Variants in SDCCAG8 observed in about 807,000 individuals in gnomAD.
SDCCAG8 encodes SHH signaling and ciliogenesis regulator SDCCAG8, also known as serologically defined colon cancer antigen 8.
Under a neutral mutation model 101.8 loss-of-function variants are expected in SDCCAG8, and 74 were observed. That is an observed-to-expected ratio of 0.73 (90% CI 0.60 to 0.88). The LOEUF is 0.88. SDCCAG8 is among the 40% of genes least tolerant of loss of function. The probability of loss-of-function intolerance (pLI) is 0.00; values close to 1 mark genes in which losing one functional copy is unlikely to be tolerated. For synonymous variants in SDCCAG8, 281 were observed against 292.9 expected (o/e 0.96, Z 0.41); for missense variants, 787 against 822.6 (o/e 0.96, Z 0.53).
At chr1:243,490,355 C>T (rs765493974) in intron 17 of SDCCAG8, among the ~76,000 whole-genome samples, 5 of 152,230 alleles carry the variant, frequency 3.3e-5, no homozygotes, top group East Asian at 1.9e-4. Context: ...GAGCCACAGC[C>T]GCACTGCCAC....
chr1:243,270,278 T>C, intron 2 of SDCCAG8, 21 bp downstream of exon 2: 1 of 1,611,350 alleles, frequency 6.2e-7, no homozygotes, highest in Non-Finnish European at 8.5e-7. Flanking sequence ...ATGTCAATCC[T>C]AGTCTGAATG....
chr1:243,415,759 T>C lies in SDCCAG8; in HGVS notation c.1674T>C (p.Leu558=). 1 of 1,613,836 alleles carries C rather than the reference T, an allele frequency of 6.2e-7. No individual in the cohort carries two copies. The highest frequency in any genetic ancestry group is 8.5e-7 in the Non-Finnish European group (1 of 1,179,818). Residue 558 remains leucine, a synonymous_variant, in exon 14 of 18, where the codon CTT becomes CTC. Transcript: ENST00000366541. ...GCAAGGAAGCAAAGGCCCAAGCCCT[T>C]CAGGCCCAGCAAAGAGAGCAGGAGC... ...SFSKEAKAQA[L]QAQQREQELT...
intron 6 of SDCCAG8, among the ~76,000 whole-genome samples, chr1:243,295,102 T>A (rs928988198): frequency 8.5e-5 from 13 of 152,140 alleles, no homozygotes; most frequent in African/African-American, 3.1e-4. Flanking sequence ...AATTGTATCT[T>A]TTTTTTCCCT....
intron 16 of SDCCAG8, among the ~76,000 whole-genome samples, chr1:243,442,376 C>T (rs1306988646): frequency 6.6e-6 from 1 of 152,070 alleles, no homozygotes; most frequent in Admixed American, 6.6e-5. Context: ...ATTTGTTTGA[C>T]GTCATAGACT....
intron 2 of SDCCAG8, 91 bp from the exon 3 acceptor site, chr1:243,270,887 C>T: frequency 1.1e-6 from 1 of 882,530 alleles, no homozygotes; most frequent in Non-Finnish European, 1.9e-6. Context: ...CATAATATAT[C>T]AGCAATTTTT....
chr1:243,371,459 A>G (rs1390424050), intron 12 of SDCCAG8, among the ~76,000 whole-genome samples: 1 of 152,164 alleles, frequency 6.6e-6, no homozygotes, highest in Non-Finnish European at 1.5e-5. Context: ...TGAACACAGA[A>G]TGGAATTTTA....
intron 13 of SDCCAG8, among the ~76,000 whole-genome samples, chr1:243,408,850 T>C (rs551383389): frequency 1.3e-5 from 2 of 152,354 alleles, no homozygotes; most frequent in East Asian, 3.9e-4. Flanking sequence ...CCTTAGCTTA[T>C]GTGTAAACAT....
chr1:243,370,504 A>G (rs549550729), intron 12 of SDCCAG8, among the ~76,000 whole-genome samples: 62 of 152,280 alleles, frequency 4.1e-4, no homozygotes, highest in African/African-American at 1.4e-3. Flanking sequence ...CAGAGTTGTA[A>G]TGATTCTTTT....
At chr1:243,266,323 T>A (rs1204450274) in intron 1 of SDCCAG8, among the ~76,000 whole-genome samples, 2 of 146,856 alleles carry the variant, frequency 1.4e-5, no homozygotes. Flanking sequence ...TTCTTTTTCT[T>A]TTTTTTTTTT....
chr1:243,415,887 T>C, intron 14 of SDCCAG8, 58 bp downstream of exon 14: 1 of 1,595,726 alleles, frequency 6.3e-7, no homozygotes, highest in Non-Finnish European at 8.5e-7. Flanking sequence ...GGCCCACGCC[T>C]TACTGTGAAA....
chr1:243,274,703 A>G, intron 4 of SDCCAG8, 47 bp downstream of exon 4: 1 of 1,102,816 alleles, frequency 9.1e-7, no homozygotes, highest in Non-Finnish European at 1.4e-6. Flanking sequence ...GAAAGCTTAT[A>G]TTAACTATAG....
At chr1:243,313,599 C>T (rs1239951867) in intron 8 of SDCCAG8, among the ~76,000 whole-genome samples, 1 of 152,150 alleles carries the variant, frequency 6.6e-6, no homozygotes, top group Non-Finnish European at 1.5e-5. Flanking sequence ...GCTGGCTTTG[C>T]GTCAAGAAGC....
At chr1:243,328,354 C>T (rs1181723026) in intron 9 of SDCCAG8, among the ~76,000 whole-genome samples, 1 of 152,138 alleles carries the variant, frequency 6.6e-6, no homozygotes, top group African/African-American at 2.4e-5. Flanking sequence ...TCTTGGCTCA[C>T]TGCAACCTCC....
At chr1:243,349,010 C>CA (rs200574627) in intron 12 of SDCCAG8, among the ~76,000 whole-genome samples, 3,058 of 127,284 alleles carry the variant, frequency 0.024, 38 homozygotes, top group Middle Eastern at 0.039. Flanking sequence ...ACAAACAAAA[C>CA]AAAAAAAAAA....
chr1:243,377,737 A>T (rs1041860067), intron 12 of SDCCAG8, among the ~76,000 whole-genome samples: 2 of 151,860 alleles, frequency 1.3e-5, no homozygotes, highest in Non-Finnish European at 2.9e-5. Context: ...CTCTACTTAC[A>T]CATGATTTTG....
chr1:243,389,447 G>C (rs898158429), intron 13 of SDCCAG8, among the ~76,000 whole-genome samples: 14 of 152,156 alleles, frequency 9.2e-5, no homozygotes, highest in African/African-American at 3.1e-4. Flanking sequence ...TGCTGTTCCA[G>C]CTGTGGCCCA....
In SDCCAG8 at chr1:243,399,501, A is replaced by ATTAT. The variant is rs746212694; in HGVS notation, c.1617-16179_1617-16176dup. Among the ~76,000 whole-genome samples, 397 of 151,968 alleles carry ATTAT rather than the reference A, an allele frequency of 2.6e-3. 2 individuals carry two copies. The highest frequency in any genetic ancestry group is 0.01 in the Middle Eastern group (3 of 294). On this transcript the variant is annotated intron_variant, in intron 13 of 17. Transcript: ENST00000366541. ...TCACTTCTTAGAACTTTTTTTAATT[A>ATTAT]TTATTTATTTATTTATTTATTTATT...
intron 13 of SDCCAG8, among the ~76,000 whole-genome samples, chr1:243,399,657 C>T (rs1052368993): frequency 2.0e-5 from 3 of 152,056 alleles, no homozygotes; most frequent in African/African-American, 7.2e-5. Context: ...CAGGCGTGCA[C>T]CATCACACTC....
chr1:243,490,810 C>G (rs1574390514), intron 17 of SDCCAG8, among the ~76,000 whole-genome samples: 2 of 152,344 alleles, frequency 1.3e-5, no homozygotes, highest in East Asian at 1.9e-4. Context: ...CTCCCCTCTG[C>G]TTTCAGGATG....
Sources: allele counts gnomAD v4.1 joint callset (sites outside exome capture counted in the v4.1 genomes callset), GRCh38; gene constraint gnomAD v4.1.1; transcripts MANE v1.5; gene names NCBI Gene and HGNC (gene_info 2026-07-23, HGNC 2026-07-21).